The following SYNE2 variants were observed in gnomAD, a reference collection of about 807,000 sequenced individuals.
SYNE2 encodes nesprin-2.
Under a neutral mutation model 856.3 loss-of-function variants are expected in SYNE2, and 431 were observed. That is an observed-to-expected ratio of 0.50 (90% CI 0.47 to 0.55). The LOEUF (loss-of-function observed/expected upper bound fraction) is 0.55. Ranked by LOEUF, SYNE2 falls within the 20% of genes least tolerant of loss-of-function variation. The pLI is 0.00. For missense variants in SYNE2, 8,129 were observed against 8,023.2 expected, an observed-to-expected ratio of 1.01 and a Z score of -0.50; for synonymous variants, 2,923 against 2,872.3, an observed-to-expected ratio of 1.02 and a Z score of -0.56.
At chr14:64,146,520 C>G (rs1437925524) in intron 84 of SYNE2, among the ~76,000 whole-genome samples, 1 of 152,128 alleles carries the variant, frequency 6.6e-6, no homozygotes, top group Non-Finnish European at 1.5e-5. Flanking sequence ...AAATGCTTTC[C>G]AATTTTCCAT....
Position 63,876,909 on chromosome 14 carries a change from G to A in SYNE2, c.-52+23766G>A, listed in dbSNP as rs115474271. Among the ~76,000 whole-genome samples the A allele has an allele frequency of 1.0e-2, 1,522 of 152,238 alleles. 22 individuals carry two copies. The highest frequency in any genetic ancestry group is 0.034 in the African/African-American group (1,431 of 41,530). On this transcript the variant is annotated intron_variant, in intron 1 of 115. Transcript: ENST00000555002. ...TAAGACAGATCAGAAACCACTGTCC[G>A]TGGATACTCAGCCTGTTACTTAGTC...
intron 61 of SYNE2, among the ~76,000 whole-genome samples, chr14:64,095,313 G>C (rs2097667404): frequency 6.6e-6 from 1 of 152,206 alleles, no homozygotes; most frequent in African/African-American, 2.4e-5. Context: ...TGCAAAGTAT[G>C]TATTAATTGT....
chr14:64,188,699 G>T lies in SYNE2; in HGVS notation c.17862G>T (p.Lys5954Asn), dbSNP rs146016022. The change falls in exon 98 of 116, where the codon AAG becomes AAT. Residue 5954 changes from lysine (K) to asparagine (N), a missense_variant. Coordinates refer to ENST00000555002, the MANE Select transcript of SYNE2 (RefSeq NM_182914.3). Reference protein sequence around the residue: ...ADISIEEMIEKLQKDCMEEIN... With the variant: ...ADISIEEMIENLQKDCMEEIN... ...TTAGTATTGAAGAAATGATTGAAAA[G>T]TTACAGAAGGTAAGGGAGGACACCC... 1.2e-5 allele frequency: 20 copies of T among 1,614,050 alleles called. No individual in the cohort carries two copies. The highest frequency in any genetic ancestry group is 2.7e-5 in the African/African-American group (2 of 74,932).
chr14:64,105,537 G>A (rs978497949), intron 64 of SYNE2, among the ~76,000 whole-genome samples: 1 of 152,180 alleles, frequency 6.6e-6, no homozygotes, highest in Non-Finnish European at 1.5e-5. Context: ...AAGTAACTGA[G>A]GTTTCAGAGA....
chr14:64,055,872 G>A lies in SYNE2; in HGVS notation c.9745-72G>A, dbSNP rs189509576. ...CAGAGACATATTATCTATGTACCAC[G>A]AAAACTTAAGAATGACAGGAATTCC... On this transcript the variant is annotated intron_variant, in intron 48 of 115. Coordinates refer to ENST00000555002, the MANE Select transcript of SYNE2 (RefSeq NM_182914.3). 1.3e-3 allele frequency: 1,599 copies of A among 1,198,984 alleles called. 1 individual carries two copies. Among genetic ancestry groups the A allele is most frequent in the South Asian group, 2.9e-3 (223 of 75,990 alleles). 74.3% of individuals were successfully genotyped at this position (1,198,984 alleles called of 1,614,324 possible).
intron 64 of SYNE2, among the ~76,000 whole-genome samples, chr14:64,105,370 A>G (rs1173297146): frequency 2.6e-5 from 4 of 152,114 alleles, no homozygotes; most frequent in Non-Finnish European, 5.9e-5. Context: ...TCTAATCTCT[A>G]CCTTTAATTC....
At chr14:64,064,426 A>T (rs2097341833) in intron 50 of SYNE2, among the ~76,000 whole-genome samples, 1 of 152,210 alleles carries the variant, frequency 6.6e-6, no homozygotes. Context: ...TATACAAATA[A>T]ATCTTACACA....
chr14:64,055,917 C>T, intron 48 of SYNE2, 27 bp from the exon 49 acceptor site: 1 of 1,592,992 alleles, frequency 6.3e-7, no homozygotes. Flanking sequence ...ACAATTTTGT[C>T]ACAGCATTTA....
chr14:64,191,186 T>C (rs1440721837), intron 99 of SYNE2: 3 of 326,394 alleles, frequency 9.2e-6, no homozygotes, highest in Non-Finnish European at 1.6e-5. Context: ...TAAATTATTA[T>C]TTAAATTTAA....
intron 87 of SYNE2, among the ~76,000 whole-genome samples, chr14:64,160,228 A>G (rs1335330579): frequency 6.6e-6 from 1 of 152,210 alleles, no homozygotes; most frequent in Non-Finnish European, 1.5e-5. Flanking sequence ...TCCACATACA[A>G]TATCAGGGCT....
chr14:64,191,462 C>T (rs925887532), intron 99 of SYNE2, among the ~76,000 whole-genome samples: 4 of 152,036 alleles, frequency 2.6e-5, no homozygotes, highest in African/African-American at 4.8e-5. Flanking sequence ...TGAGGGATTG[C>T]GGTTACTGGT....
At chr14:63,877,568 T>G (rs2094753801) in intron 1 of SYNE2, among the ~76,000 whole-genome samples, 1 of 152,154 alleles carries the variant, frequency 6.6e-6, no homozygotes, top group South Asian at 2.1e-4. Flanking sequence ...ATACTGTGAT[T>G]GAAATAGAAT....
At position 64,169,054 on chromosome 14, in the gene SYNE2, C is replaced by G. The variant is rs536722465; in HGVS notation, c.17000+83C>G. On this transcript the variant is annotated intron_variant, in intron 93 of 115. Coordinates refer to ENST00000555002, the MANE Select transcript of SYNE2 (RefSeq NM_182914.3). ...AGGGCAGGCTTTCCACCATGTGAAC[C>G]TTGACCATGTTGGTGCCCTGTGCCC... The G allele has an allele frequency of 1.0e-5, 11 of 1,097,722 alleles. No individual in the cohort carries two copies. The East Asian group carries it at 2.5e-4, about 25-fold the overall frequency. The allele number at this position is 1,097,722 out of a possible 1,614,324, so 68.0% of individuals were successfully genotyped here.
chr14:63,997,265 C>A, intron 24 of SYNE2, 36 bp from the exon 25 acceptor site: 1 of 1,597,678 alleles, frequency 6.3e-7, no homozygotes, highest in East Asian at 2.2e-5. Flanking sequence ...ATTTTTCTTA[C>A]CCTCTTTTAA....
intron 1 of SYNE2, among the ~76,000 whole-genome samples, chr14:63,860,002 A>ATCTG (rs1365800958): frequency 1.8e-5 from 2 of 113,966 alleles, no homozygotes; most frequent in Non-Finnish European, 1.6e-5. Context: ...CGTTCCTACC[A>ATCTG]TCTGTCTGTC....
chr14:64,093,403 A>T lies in SYNE2; in HGVS notation c.12031A>T (p.Ile4011Phe), dbSNP rs2097647001. 1.2e-6 allele frequency: 2 copies of T among 1,614,144 alleles called. No individual in the cohort carries two copies. Among genetic ancestry groups the T allele is most frequent in the East Asian group, 4.5e-5 (2 of 44,874 alleles). The part of the protein sequence containing the change: ...WDEEIENLKQ[I>F]LNNYSAQFSL... The stretch of plus-strand genomic sequence containing the variant: ...TGAAGAAATAGAAAATTTGAAACAG[A>T]TCTTAAATAATTATTCAGCTCAGTT... Residue 4011 changes from isoleucine (I) to phenylalanine (F), a missense_variant, in exon 61 of 116, where the codon ATC becomes TTC. Ile to Phe is a conservative substitution (Grantham distance 21). Around this residue, in one of 3 missense-constraint regions of SYNE2, gnomAD observed 5,410 missense variants for 5,284.8 expected, o/e 1.02. Coordinates refer to ENST00000555002, the MANE Select transcript of SYNE2 (RefSeq NM_182914.3).
chr14:64,197,335 G>A (rs532096009), intron 99 of SYNE2, among the ~76,000 whole-genome samples: 6 of 152,292 alleles, frequency 3.9e-5, no homozygotes, highest in African/African-American at 1.4e-4. Flanking sequence ...TGATTATGCC[G>A]TGTGGAAAAT....
chr14:64,090,705 C>T (rs1355720601), intron 59 of SYNE2, among the ~76,000 whole-genome samples, 161 bp from the exon 60 acceptor site: 7 of 152,110 alleles, frequency 4.6e-5, no homozygotes, highest in South Asian at 4.2e-4. Flanking sequence ...TTTCAACTCC[C>T]GGATCATGAG....
Position 64,098,127 on chromosome 14 carries a change from G to A in SYNE2, c.12287G>A (p.Arg4096Lys), listed in dbSNP as rs148654815. 1 of 1,613,986 alleles carries A rather than the reference G, an allele frequency of 6.2e-7. No homozygotes were observed. The highest frequency in any genetic ancestry group is 8.5e-7 in the Non-Finnish European group (1 of 1,179,982). ...TCAGAGGAAGGTGGAGTGGCAGAGA[G>A]GGATGCTTCTGAGCGGAAGGTGGGT... is the stretch of plus-strand genomic sequence containing the variant. ...VTSEEGGVAE[R>K]DASERKLNRR... The change falls in exon 62 of 116, where the codon AGG (arginine) becomes AAG (lysine). Residue 4096 changes from arginine (R) to lysine (K), a missense_variant. This residue lies in a region of SYNE2 where 5,410 missense variants were observed against 5,284.8 expected (regional missense o/e 1.02). Coordinates refer to ENST00000555002, the MANE Select transcript of SYNE2 (RefSeq NM_182914.3).
Sources: allele counts gnomAD v4.1 joint callset (sites outside exome capture counted in the v4.1 genomes callset), GRCh38; gene constraint gnomAD v4.1.1; regional missense constraint gnomAD v4.1.1; transcripts MANE v1.5; gene names NCBI Gene and HGNC (gene_info 2026-07-23, HGNC 2026-07-21).